OSBPL5: variants seen among roughly 807,000 people sequenced by gnomAD.
OSBPL5 encodes oxysterol binding protein like 5.
Under a neutral mutation model 111.2 loss-of-function variants are expected in OSBPL5, and 71 were observed. The ratio of observed to expected loss-of-function variants is 0.64; its 90% CI spans 0.53 to 0.78. The LOEUF (loss-of-function observed/expected upper bound fraction) is 0.78. Ranked by LOEUF, OSBPL5 falls within the 30% of genes least tolerant of loss-of-function variation. The probability of loss-of-function intolerance (pLI) is 0.00; values close to 1 mark genes in which losing one functional copy is unlikely to be tolerated. For synonymous variants in OSBPL5, 549 were observed against 513.9 expected (o/e 1.07, Z -0.93); for missense variants, 1,210 against 1,189.3 (o/e 1.02, Z -0.26).
intron 7 of OSBPL5, among the ~76,000 whole-genome samples, chr11:3,108,476 G>A (rs1857790899): frequency 6.6e-6 from 1 of 152,158 alleles, no homozygotes; most frequent in African/African-American, 2.4e-5. Context: ...GAGGAGGGTG[G>A]GGAAGGCTGA....
At chr11:3,116,054 T>C (rs915211686) in intron 7 of OSBPL5, among the ~76,000 whole-genome samples, 2 of 152,192 alleles carry the variant, frequency 1.3e-5, no homozygotes, top group Admixed American at 6.5e-5. Flanking sequence ...ATATTATTAA[T>C]AGGTTCCCTA....
rs188774113 is a variant in OSBPL5, at chr11:3,121,232, A to G, written c.403-608T>C. Among the ~76,000 whole-genome samples the G allele has an allele frequency of 4.6e-5, 7 of 151,844 alleles. No individual in the cohort carries two copies. In the East Asian group the frequency reaches 1.4e-3, roughly 29 times the overall value. On this transcript the variant is annotated intron_variant, in intron 5 of 21. Transcript: ENST00000263650. This position sits in a 1 kb window ranked among gnomAD's most constrained non-coding sequence, Gnocchi z 4.3. ...GCCACCATGCCTGGCTAATTTCTGT[A>G]TTTTTAGTAGAGACGGGGTTTTGCC...
In OSBPL5 at chr11:3,088,126, C is replaced by T. The variant is rs914382635; in HGVS notation, c.*79G>A. ...GGCTGTGCTTGCCGGGCCTCTCTGC[C>T]TCCATGGAGCAGGCTTAAAGTGCTG... On this transcript the variant is annotated 3_prime_UTR_variant, in exon 22 of 22. Coordinates refer to ENST00000263650, the MANE Select transcript of OSBPL5 (RefSeq NM_020896.4). 1.7e-5 allele frequency: 23 copies of T among 1,348,492 alleles called. No individual in the cohort carries two copies. In the African/African-American group the frequency reaches 3.3e-4, roughly 19 times the overall value. 83.5% of individuals were successfully genotyped at this position (1,348,492 alleles called of 1,614,324 possible).
intron 12 of OSBPL5, 62 bp downstream of exon 12, chr11:3,102,121 C>G (rs535507816): frequency 1.3e-6 from 2 of 1,510,390 alleles, no homozygotes; most frequent in African/African-American, 2.8e-5. Context: ...GGGCCCCGCC[C>G]CCACAGAGCC....
At chr11:3,091,741 C>T (rs1265313536) in intron 19 of OSBPL5, among the ~76,000 whole-genome samples, 3 of 152,194 alleles carry the variant, frequency 2.0e-5, no homozygotes, top group Admixed American at 1.3e-4. Context: ...GGAGATACCG[C>T]GGCCCCCAGC....
rs747142054 is a variant in OSBPL5 at position 3,090,690 on chromosome 11, C to T, written c.2266G>A (p.Gly756Ser). The T allele has an allele frequency of 6.2e-7, 1 of 1,610,482 alleles. No individual in the cohort carries two copies. Among genetic ancestry groups the T allele is most frequent in the Non-Finnish European group, 8.5e-7 (1 of 1,179,132 alleles). The change falls in exon 20 of 22, where the codon GGC becomes AGC. Residue 756 changes from glycine (G) to serine (S), a missense_variant. Coordinates refer to ENST00000263650, the MANE Select transcript of OSBPL5 (RefSeq NM_020896.4). ...GCCTTGCGAAGCCGCTGGTCTGGGCCAGACCTCTGCAGAGAAATGGAGCTG... is the reference window on the plus strand; with the variant it reads ...GCCTTGCGAAGCCGCTGGTCTGGGCTAGACCTCTGCAGAGAAATGGAGCTG... ...GSPGPRHERS[G>S]PDQRLRKASD...
chr11:3,093,399 C>A, intron 17 of OSBPL5, 128 bp downstream of exon 17: 1 of 1,393,928 alleles, frequency 7.2e-7, no homozygotes, highest in Non-Finnish European at 9.7e-7. Flanking sequence ...ACCAGGGGTG[C>A]ACCAGGCCTG....
At chr11:3,152,376 T>C (rs1010682392) in intron 1 of OSBPL5, among the ~76,000 whole-genome samples, 1 of 152,204 alleles carries the variant, frequency 6.6e-6, no homozygotes, top group African/African-American at 2.4e-5. Flanking sequence ...ATCTAGGTCT[T>C]AAATAACAGT....
intron 1 of OSBPL5, among the ~76,000 whole-genome samples, chr11:3,155,677 C>T (rs1846737065): frequency 6.6e-6 from 1 of 150,472 alleles, no homozygotes; most frequent in Non-Finnish European, 1.5e-5. Context: ...TGCCACTCAC[C>T]CCAGCTTTGC....
At position 3,146,487 on chromosome 11, in the gene OSBPL5, G is replaced by C. The variant is rs913283554; in HGVS notation, c.-21-17318C>G. The stretch of plus-strand genomic sequence containing the variant: ...TCTGGCCTGAGGAGAGGCTGGGTGG[G>C]ACGTGGTGGTCAGAAGCCCCCTGCC... On this transcript the variant is annotated intron_variant, in intron 1 of 21. Coordinates refer to ENST00000263650, the MANE Select transcript of OSBPL5 (RefSeq NM_020896.4). This position sits in a 1 kb window ranked among gnomAD's most constrained non-coding sequence, Gnocchi z 7.8. 4 of 152,346 alleles carry C rather than the reference G, an allele frequency of 2.6e-5. No individual in the cohort carries two copies. Among genetic ancestry groups the C allele is most frequent in the Non-Finnish European group, 4.4e-5 (3 of 68,154 alleles). 9.4% of individuals were successfully genotyped at this position (152,346 alleles called of 1,614,324 possible). A position where few individuals can be genotyped will look rare whatever the true frequency, so the allele number is the denominator to read the frequency against.
chr11:3,159,993 G>C (rs1203755462), intron 1 of OSBPL5, among the ~76,000 whole-genome samples: 1 of 152,134 alleles, frequency 6.6e-6, no homozygotes, highest in African/African-American at 2.4e-5. Context: ...GATCCGAGGC[G>C]GTGCCTGCCA....
rs916600086 is a variant in OSBPL5 at position 3,130,785 on chromosome 11, T to C, written c.-21-1616A>G. On this transcript the variant is annotated intron_variant, in intron 1 of 21. Coordinates refer to ENST00000263650, the MANE Select transcript of OSBPL5 (RefSeq NM_020896.4). This position sits in a 1 kb window ranked among gnomAD's most constrained non-coding sequence, Gnocchi z 4.5. The stretch of plus-strand genomic sequence containing the variant: ...GTGTCTCAGCTTGGCTCAGCCAACC[T>C]GCCGCAGGGAAGCAGGCAGATGGGA... Among the ~76,000 whole-genome samples the C allele has an allele frequency of 6.6e-6, 1 of 152,204 alleles. No individual in the cohort carries two copies. The highest frequency in any genetic ancestry group is 2.4e-5 in the African/African-American group (1 of 41,446).
At chr11:3,159,789 G>A (rs1846898293) in intron 1 of OSBPL5, among the ~76,000 whole-genome samples, 1 of 152,164 alleles carries the variant, frequency 6.6e-6, no homozygotes, top group Non-Finnish European at 1.5e-5. Context: ...GGGTGGGGTA[G>A]GGGGTCATGC....
intron 1 of OSBPL5, among the ~76,000 whole-genome samples, chr11:3,163,159 G>C (rs1847015750): frequency 6.6e-6 from 1 of 152,176 alleles, no homozygotes; most frequent in Admixed American, 6.5e-5. Flanking sequence ...CCCTGAGCTG[G>C]GTCCACAACA....
chr11:3,099,034 C>T (rs1321367736), intron 14 of OSBPL5, among the ~76,000 whole-genome samples: 3 of 152,144 alleles, frequency 2.0e-5, no homozygotes, highest in Non-Finnish European at 4.4e-5. Flanking sequence ...AACTCTTGGG[C>T]TCAAGTGATT....
At chr11:3,091,181 C>A (rs937501027) in intron 19 of OSBPL5, among the ~76,000 whole-genome samples, 26 of 152,246 alleles carry the variant, frequency 1.7e-4, no homozygotes, top group Admixed American at 5.2e-4. Flanking sequence ...CGGCTGCTCA[C>A]AACCCCAGGA....
chr11:3,109,857 C>G lies in OSBPL5; in HGVS notation c.692-1912G>C, dbSNP rs566045127. Among the ~76,000 whole-genome samples the G allele has an allele frequency of 6.6e-6, 1 of 152,176 alleles. No individual in the cohort carries two copies. The highest frequency in any genetic ancestry group is 2.4e-5 in the African/African-American group (1 of 41,420). On this transcript the variant is annotated intron_variant, in intron 7 of 21. Coordinates refer to ENST00000263650, the MANE Select transcript of OSBPL5 (RefSeq NM_020896.4). This position sits in a 1 kb window ranked among gnomAD's most constrained non-coding sequence, Gnocchi z 7.4. ...ATTATGCATCCTTTGAAGCTCATTC[C>G]GAGACCTCTTCCTCCTCTTCCTGGA...
At chr11:3,116,429 A>G (rs543750487) in intron 7 of OSBPL5, among the ~76,000 whole-genome samples, 50 of 152,320 alleles carry the variant, frequency 3.3e-4, no homozygotes, top group African/African-American at 1.2e-3. Context: ...GTGCTCTTGA[A>G]TGCTGGTTTC....
At chr11:3,101,548 C>A in intron 13 of OSBPL5, 55 bp downstream of exon 13, 1 of 1,526,202 alleles carries the variant, frequency 6.6e-7, no homozygotes, top group Non-Finnish European at 9.1e-7. Flanking sequence ...CCGGAGTCCT[C>A]CCGACCATCG....
Sources: gnomAD v4.1 joint callset for allele counts (sites outside exome capture counted in the v4.1 genomes callset) on GRCh38, gnomAD v4.1.1 for gene constraint, Gnocchi (gnomAD v3.1) non-coding constraint, MANE v1.5 for transcripts, NCBI Gene and HGNC (gene_info 2026-07-23, HGNC 2026-07-21) for gene names.